Variants in RORA observed in about 807,000 individuals in gnomAD.
RORA encodes the protein nuclear receptor ROR-alpha.
A neutral mutation model predicts 69.5 loss-of-function variants in RORA; 7 were observed. That is an observed-to-expected ratio of 0.10 (90% CI 0.06 to 0.19). RORA has a LOEUF of 0.19. RORA is among the 10% of genes least tolerant of loss of function. RORA has a pLI of 1.00. For synonymous variants in RORA, 261 were observed against 240.8 expected, an observed-to-expected ratio of 1.08 and a Z score of -0.78; for missense variants, 457 against 663.0, an observed-to-expected ratio of 0.69 and a Z score of 3.41.
intron 1 of RORA, among the ~76,000 whole-genome samples, chr15:60,908,078 G>C (rs1304001655): frequency 6.6e-6 from 1 of 152,154 alleles, no homozygotes; most frequent in Non-Finnish European, 1.5e-5. Flanking sequence ...TGTGTCTGGG[G>C]CTCCTGAGTT....
chr15:60,735,352 T>G (rs1231135302), intron 1 of RORA, among the ~76,000 whole-genome samples: 1 of 152,202 alleles, frequency 6.6e-6, no homozygotes, highest in African/African-American at 2.4e-5. Context: ...TGCCAAACAC[T>G]ATTTCTGTAG....
At chr15:60,528,610 A>G (rs1898413) in intron 3 of RORA, 76,989 of 152,062 alleles carry the variant, frequency 0.51, 23,721 homozygotes, top group East Asian at 0.88. Flanking sequence ...AATGGTCACA[A>G]CAATCAAGAC....
intron 2 of RORA, among the ~76,000 whole-genome samples, chr15:60,602,762 TCA>T (rs2068848879): frequency 6.6e-6 from 1 of 152,224 alleles, no homozygotes; most frequent in African/African-American, 2.4e-5. Context: ...CTTTCAGATC[TCA>T]GCTTTTTAAT....
At chr15:61,206,710 T>G (rs1360496505) in intron 1 of RORA, among the ~76,000 whole-genome samples, 3 of 152,196 alleles carry the variant, frequency 2.0e-5, no homozygotes, top group Admixed American at 6.5e-5. Context: ...CACACCTGGA[T>G]GCAGTTTGCT....
intron 1 of RORA, among the ~76,000 whole-genome samples, chr15:61,124,467 T>C (rs1036655671): frequency 6.6e-6 from 1 of 152,128 alleles, no homozygotes; most frequent in African/African-American, 2.4e-5. Context: ...CAAGTGTTGC[T>C]TCTCATCAGG....
intron 4 of RORA, among the ~76,000 whole-genome samples, chr15:60,513,391 G>A (rs1446024629): frequency 6.6e-6 from 1 of 152,140 alleles, no homozygotes; most frequent in Non-Finnish European, 1.5e-5. Flanking sequence ...CACTCAAGGG[G>A]CCTAATACCC....
Position 60,933,551 on chromosome 15 carries a change from A to G in RORA, c.167-254865T>C, listed in dbSNP as rs116313577. ...GTTGGTACCTTCCTATTGACATAGA[A>G]CGCATTATTCTGAATCGCAGGCATT... On this transcript the variant is annotated intron_variant, in intron 1 of 10. Coordinates refer to ENST00000335670, the MANE Select transcript of RORA (RefSeq NM_134261.3). 6.3e-3 allele frequency among the ~76,000 whole-genome samples: 951 copies of G among 152,100 alleles called. 16 individuals carry two copies. Among genetic ancestry groups the G allele is most frequent in the African/African-American group, 0.022 (897 of 41,474 alleles).
rs979479389 is a variant in RORA, at chr15:61,005,599, T to C, written c.166+223454A>G. On this transcript the variant is annotated intron_variant, in intron 1 of 10. Transcript: ENST00000335670. ...TCTCTCTCTCTCTTTCTCTATAATA[T>C]GTATATATACATACACACACATATA... 6.6e-5 allele frequency among the ~76,000 whole-genome samples: 10 copies of C among 152,230 alleles called. No homozygotes were observed. The East Asian group carries it at 1.9e-3, about 29-fold the overall frequency.
intron 1 of RORA, among the ~76,000 whole-genome samples, chr15:60,821,241 A>G (rs539062154): frequency 1.0e-4 from 15 of 149,890 alleles, no homozygotes; most frequent in Admixed American, 2.0e-4. Flanking sequence ...TACTTAGCCA[A>G]CTCCCCCTTG....
At chr15:60,933,457 C>A (rs879574246) in intron 1 of RORA, among the ~76,000 whole-genome samples, 1 of 152,158 alleles carries the variant, frequency 6.6e-6, no homozygotes, top group Non-Finnish European at 1.5e-5. Flanking sequence ...TCAAATGCGA[C>A]CTCCTCCTCC....
chr15:60,501,931 ATTC>A (rs1423712936), intron 8 of RORA, among the ~76,000 whole-genome samples: 3 of 152,226 alleles, frequency 2.0e-5, no homozygotes, highest in Admixed American at 6.5e-5. Flanking sequence ...ATACTTATCC[ATTC>A]TTCTTAATAA....
At chr15:61,196,842 G>A (rs1025120940) in intron 1 of RORA, among the ~76,000 whole-genome samples, 3 of 152,186 alleles carry the variant, frequency 2.0e-5, no homozygotes, top group African/African-American at 7.2e-5. Context: ...ATCAAACGGA[G>A]GGCTGCTTTT....
At chr15:60,704,419 A>G (rs1455559911) in intron 1 of RORA, among the ~76,000 whole-genome samples, 1 of 152,216 alleles carries the variant, frequency 6.6e-6, no homozygotes, top group Non-Finnish European at 1.5e-5. Flanking sequence ...TGCTGGAGGC[A>G]CACTCCTAGA....
intron 3 of RORA, among the ~76,000 whole-genome samples, chr15:60,515,117 T>C (rs2065821203): frequency 6.6e-6 from 1 of 152,222 alleles, no homozygotes; most frequent in African/African-American, 2.4e-5. Context: ...CTCTAAGAGA[T>C]TGTTTGTAAA....
At chr15:60,944,276 G>A (rs1196658410) in intron 1 of RORA, among the ~76,000 whole-genome samples, 3 of 152,148 alleles carry the variant, frequency 2.0e-5, no homozygotes, top group South Asian at 2.1e-4. Context: ...AAAAGCCCCA[G>A]GAAGATCCTC....
At chr15:60,517,416 C>T (rs1567053885) in intron 3 of RORA, among the ~76,000 whole-genome samples, 2 of 151,494 alleles carry the variant, frequency 1.3e-5, no homozygotes, top group South Asian at 4.1e-4. Context: ...AGTCCCGCCT[C>T]TTCTGTAAAG....
intron 2 of RORA, among the ~76,000 whole-genome samples, chr15:60,559,459 G>T (rs2067470344): frequency 6.6e-6 from 1 of 152,156 alleles, no homozygotes; most frequent in African/African-American, 2.4e-5. Context: ...GATGTACTGG[G>T]TCTAAAGAGA....
intron 1 of RORA, among the ~76,000 whole-genome samples, chr15:60,730,529 C>T (rs1323140975): frequency 5.3e-5 from 8 of 152,178 alleles, no homozygotes; most frequent in African/African-American, 1.9e-4. Flanking sequence ...TTTTCACTTC[C>T]CCTGCATTCC....
intron 1 of RORA, among the ~76,000 whole-genome samples, chr15:60,733,045 C>T (rs1368219371): frequency 1.3e-5 from 2 of 152,180 alleles, no homozygotes; most frequent in African/African-American, 2.4e-5. Context: ...TGCGGCCGGC[C>T]CCTTTATTGC....
Sources: allele counts gnomAD v4.1 joint callset (sites outside exome capture counted in the v4.1 genomes callset), GRCh38; gene constraint gnomAD v4.1.1; transcripts MANE v1.5; gene names NCBI Gene and HGNC (gene_info 2026-07-23, HGNC 2026-07-21).